Variants in GALNT18 observed in about 807,000 individuals in gnomAD.
GALNT18 encodes GalNAc-transferase 18.
GALNT18 carries 44 observed loss-of-function variants against 69.5 expected under a neutral mutation model. The observed-to-expected ratio is 0.63, with a 90% CI of 0.50 to 0.81. GALNT18 has a LOEUF of 0.81. Among genes scored for constraint, GALNT18 ranks in the 40% least tolerant of loss-of-function variants. The pLI, the probability that GALNT18 is intolerant of heterozygous loss-of-function variation, is 0.00. For synonymous variants in GALNT18, 364 were observed against 318.2 expected, an observed-to-expected ratio of 1.14 and a Z score of -1.53; for missense variants, 715 against 810.0, an observed-to-expected ratio of 0.88 and a Z score of 1.42.
intron 1 of GALNT18, among the ~76,000 whole-genome samples, chr11:11,531,027 G>C (rs1374733280): frequency 6.6e-6 from 1 of 152,212 alleles, no homozygotes; most frequent in Non-Finnish European, 1.5e-5. Context: ...GCTGAGGCCT[G>C]CTCTGAGGAC....
At chr11:11,532,281 C>T (rs533622572) in intron 1 of GALNT18, among the ~76,000 whole-genome samples, 22 of 152,280 alleles carry the variant, frequency 1.4e-4, no homozygotes, top group African/African-American at 3.9e-4. Context: ...AGCTGGAGCA[C>T]GGATTTTACA....
rs548542478 is a variant in GALNT18, at chr11:11,413,838, C to T, written c.595+18783G>A. ...GACCTCTTCCGAGAGCCTGGGTATCCGCTCTGTTCAGCAGTGCCCATCTAT... is the reference window on the plus strand; with the variant it reads ...GACCTCTTCCGAGAGCCTGGGTATCTGCTCTGTTCAGCAGTGCCCATCTAT... On this transcript the variant is annotated intron_variant, in intron 3 of 10. Coordinates refer to ENST00000227756, the MANE Select transcript of GALNT18 (RefSeq NM_198516.3). The surrounding 1 kb of genome is among the most constrained non-coding windows in gnomAD (Gnocchi z 4.7). Among the ~76,000 whole-genome samples, 24 of 152,326 alleles carry T rather than the reference C, an allele frequency of 1.6e-4. No homozygotes were observed. In the South Asian group the frequency reaches 1.7e-3, roughly 11 times the overall value.
At chr11:11,446,077 C>T (rs989853070) in intron 2 of GALNT18, among the ~76,000 whole-genome samples, 1 of 152,192 alleles carries the variant, frequency 6.6e-6, no homozygotes, top group Non-Finnish European at 1.5e-5. Flanking sequence ...GTCAAAGCCA[C>T]GATCCGGCAT....
rs1850942498 is a variant in GALNT18 at position 11,372,768 on chromosome 11, T to TG, written c.978-140dup. On this transcript the variant is annotated intron_variant, in intron 5 of 10. Transcript: ENST00000227756. The surrounding 1 kb of genome is among the most constrained non-coding windows in gnomAD (Gnocchi z 4.9). ...GCCAGTGTGAGCCTTGTTCTTGGAG[T>TG]GGCCCCTGGGTCTGGCCTCACCCAA... 61 of 719,370 alleles carry TG rather than the reference T, an allele frequency of 8.5e-5. No individual in the cohort carries two copies. The South Asian group carries it at 1.0e-3, about 12-fold the overall frequency. 44.6% of individuals were successfully genotyped at this position (719,370 alleles called of 1,614,324 possible). A position where few individuals can be genotyped will look rare whatever the true frequency, so the allele number is the denominator to read the frequency against.
chr11:11,274,052 G>A (rs1250748078), intron 10 of GALNT18, among the ~76,000 whole-genome samples: 1 of 152,128 alleles, frequency 6.6e-6, no homozygotes, highest in Non-Finnish European at 1.5e-5. Flanking sequence ...AGCAGGGTGG[G>A]TTATCGCCTC....
In GALNT18 at chr11:11,619,416, C is replaced by T. The variant is rs886118121; in HGVS notation, c.235+1943G>A. 1.3e-5 allele frequency among the ~76,000 whole-genome samples: 2 copies of T among 152,166 alleles called. No homozygotes were observed. The highest frequency in any genetic ancestry group is 4.8e-5 in the African/African-American group (2 of 41,414). The stretch of plus-strand genomic sequence containing the variant: ...TCACAATGCTTCCTTTCAACTTCAA[C>T]ATCATGCTTTTCCATGTGGAACCTT... On this transcript the variant is annotated intron_variant, in intron 1 of 10. Coordinates refer to ENST00000227756, the MANE Select transcript of GALNT18 (RefSeq NM_198516.3). The surrounding 1 kb of genome is among the most constrained non-coding windows in gnomAD (Gnocchi z 4.9).
Position 11,582,848 on chromosome 11 carries a change from C to T in GALNT18, c.235+38511G>A, listed in dbSNP as rs1859119876. On this transcript the variant is annotated intron_variant, in intron 1 of 10. Coordinates refer to ENST00000227756, the MANE Select transcript of GALNT18 (RefSeq NM_198516.3). The surrounding 1 kb of genome is among the most constrained non-coding windows in gnomAD (Gnocchi z 5.0). ...AGTTGTTGAGTGAAGAACGGACCCA[C>T]ATCAGCTGCACCTCTTTCTCCAACT... is the stretch of plus-strand genomic sequence containing the variant. Among the ~76,000 whole-genome samples, 2 of 152,210 alleles carry T rather than the reference C, an allele frequency of 1.3e-5. No individual in the cohort carries two copies. The highest frequency in any genetic ancestry group is 4.1e-4 in the South Asian group (2 of 4,830).
chr11:11,399,164 C>T (rs1470742326), intron 3 of GALNT18, among the ~76,000 whole-genome samples: 3 of 152,138 alleles, frequency 2.0e-5, no homozygotes, highest in Non-Finnish European at 2.9e-5. Flanking sequence ...AGAGCTTCTT[C>T]TCTCTCTCTT....
rs569054409 is a variant in GALNT18 at position 11,422,848 on chromosome 11, A to T, written c.595+9773T>A. 6.8e-4 allele frequency among the ~76,000 whole-genome samples: 104 copies of T among 152,188 alleles called. 3 individuals are homozygous for T. The South Asian group carries it at 0.021, about 31-fold the overall frequency. ...AGCTCTGTTTCTATTTCATCACTAC[A>T]TTGACTTTCTTACCAACAATTAAAA... On this transcript the variant is annotated intron_variant, in intron 3 of 10. Transcript: ENST00000227756.
Position 11,341,007 on chromosome 11 carries a change from G to T in GALNT18, c.1093-3C>A, listed in dbSNP as rs768505451. 1.3e-6 allele frequency: 2 copies of T among 1,591,518 alleles called. No individual in the cohort carries two copies. The highest frequency in any genetic ancestry group is 3.5e-5 in the Admixed American group (2 of 57,748). On this transcript the variant is annotated splice_polypyrimidine_tract_variant and splice_region_variant and intron_variant, in intron 6 of 10. Transcript: ENST00000227756. The surrounding 1 kb of genome is among the most constrained non-coding windows in gnomAD (Gnocchi z 6.3). Reference sequence around the variant, plus strand: ...ACACTCCCGCCACACTGCCACACCTGCAGAAGACATGGAGCCACTTGTCAG... The same window carrying T: ...ACACTCCCGCCACACTGCCACACCTTCAGAAGACATGGAGCCACTTGTCAG...
At chr11:11,450,627 T>C (rs1855774320) in intron 1 of GALNT18, among the ~76,000 whole-genome samples, 1 of 152,146 alleles carries the variant, frequency 6.6e-6, no homozygotes, top group South Asian at 2.1e-4. Flanking sequence ...TGGGTGCACA[T>C]GCATTAAGGT....
rs7109680 is a variant in GALNT18 at position 11,435,173 on chromosome 11, C to T, written c.429-2386G>A. Among the ~76,000 whole-genome samples, 129,067 of 152,170 alleles carry T rather than the reference C, an allele frequency of 0.85. 56,460 individuals are homozygous for T. Among genetic ancestry groups the T allele is most frequent in the East Asian group, 1 (5,161 of 5,164 alleles). On this transcript the variant is annotated intron_variant, in intron 2 of 10. Transcript: ENST00000227756. The surrounding 1 kb of genome is among the most constrained non-coding windows in gnomAD (Gnocchi z 4.4). ...TTCTGTATCTCTCTGCACTTCCCCACGGGGTCTGCACTGCGTTCCCAGAGC... is the reference window on the plus strand; with the variant it reads ...TTCTGTATCTCTCTGCACTTCCCCATGGGGTCTGCACTGCGTTCCCAGAGC...
intron 6 of GALNT18, among the ~76,000 whole-genome samples, chr11:11,346,126 A>G (rs1850298963): frequency 6.6e-6 from 1 of 152,192 alleles, no homozygotes; most frequent in South Asian, 2.1e-4. Context: ...TCCCCTCTGA[A>G]TATCTTTAGT....
chr11:11,522,845 CACAG>C (rs1215488721), intron 1 of GALNT18, among the ~76,000 whole-genome samples: 4 of 152,294 alleles, frequency 2.6e-5, no homozygotes, highest in African/African-American at 7.2e-5. Context: ...ACATTTGCCA[CACAG>C]ACAGCATGGG....
Position 11,421,217 on chromosome 11 carries a change from G to C in GALNT18, c.595+11404C>G, listed in dbSNP as rs1854997388. 6.6e-6 allele frequency among the ~76,000 whole-genome samples: 1 copy of C among 150,998 alleles called. No homozygotes were observed. Among genetic ancestry groups the C allele is most frequent in the South Asian group, 2.1e-4 (1 of 4,722 alleles). The stretch of plus-strand genomic sequence containing the variant: ...CAGCTTCAGCGGTGCAGCATGTTGG[G>C]ACCTCAGCAGAGAGGCCGGTGAGAG... On this transcript the variant is annotated intron_variant, in intron 3 of 10. Coordinates refer to ENST00000227756, the MANE Select transcript of GALNT18 (RefSeq NM_198516.3). This position sits in a 1 kb window ranked among gnomAD's most constrained non-coding sequence, Gnocchi z 5.6.
intron 8 of GALNT18, among the ~76,000 whole-genome samples, chr11:11,328,348 A>AT (rs1435508902): frequency 6.6e-6 from 1 of 152,150 alleles, no homozygotes; most frequent in Non-Finnish European, 1.5e-5. Flanking sequence ...TGCCTAGAAC[A>AT]GGGGACTGGA....
chr11:11,589,915 C>T (rs1422959743), intron 1 of GALNT18, among the ~76,000 whole-genome samples: 1 of 152,160 alleles, frequency 6.6e-6, no homozygotes, highest in African/African-American at 2.4e-5. Flanking sequence ...CCCACTGCAT[C>T]CAGAGGTGCA....
rs1554921791 is a variant in GALNT18 at position 11,358,859 on chromosome 11, A to ACACACACACACACACACG, written c.1092+13655_1092+13656insCGTGTGTGTGTGTGTGTG. ...CACACACACACACACACACACACACACACGCACAGACATGTTATCCCAAGC... is the reference window on the plus strand; with the variant it reads ...CACACACACACACACACACACACACACACACACACACACACACGCACGCACAGACATGTTATCCCAAGC... On this transcript the variant is annotated intron_variant, in intron 6 of 10. Transcript: ENST00000227756. Among the ~76,000 whole-genome samples, 602 of 130,060 alleles carry ACACACACACACACACACG rather than the reference A, an allele frequency of 4.6e-3. 61 individuals carry two copies. Among genetic ancestry groups the ACACACACACACACACACG allele is most frequent in the African/African-American group, 0.017 (565 of 33,124 alleles). 85.3% of individuals were successfully genotyped at this position (130,060 alleles called of 152,430 possible).
intron 1 of GALNT18, among the ~76,000 whole-genome samples, chr11:11,545,307 C>A (rs113373781): frequency 2.0e-5 from 3 of 152,212 alleles, no homozygotes; most frequent in African/African-American, 7.2e-5. Flanking sequence ...CAACCGAAAC[C>A]AGTCTTAGCC....
Sources: allele counts gnomAD v4.1 joint callset (sites outside exome capture counted in the v4.1 genomes callset), GRCh38; gene constraint gnomAD v4.1.1; non-coding constraint Gnocchi (gnomAD v3.1); transcripts MANE v1.5; gene names NCBI Gene and HGNC (gene_info 2026-07-23, HGNC 2026-07-21).